KCNQ1: variants seen among roughly 807,000 people sequenced by gnomAD.
KCNQ1 encodes potassium voltage-gated channel subfamily Q member 1, also known as potassium voltage-gated channel subfamily KQT member 1.
In KCNQ1, 49 loss-of-function variants were observed where a neutral mutation model predicts 72.4. The observed-to-expected ratio is 0.68, with a 90% confidence interval of 0.54 to 0.86. The LOEUF is 0.86. KCNQ1 is among the 40% of genes least tolerant of loss of function. The probability of loss-of-function intolerance (pLI) is 0.00; values close to 1 mark genes in which losing one functional copy is unlikely to be tolerated. For synonymous variants in KCNQ1, 450 were observed against 412.6 expected, an observed-to-expected ratio of 1.09 and a Z score of -1.10; for missense variants, 790 against 945.1, an observed-to-expected ratio of 0.84 and a Z score of 2.15.
At chr11:2,539,721 G>C (rs1347490063) in intron 2 of KCNQ1, among the ~76,000 whole-genome samples, 7 of 152,232 alleles carry the variant, frequency 4.6e-5, no homozygotes, top group Admixed American at 4.6e-4. Flanking sequence ...TTGGTGGGGG[G>C]TGCGCCTGCT....
rs1732163983 is a variant in KCNQ1 at position 2,715,773 on chromosome 11, G to C, written c.1515-53071G>C. Among the ~76,000 whole-genome samples the C allele has an allele frequency of 6.6e-6, 1 of 152,222 alleles. No individual in the cohort carries two copies. Among genetic ancestry groups the C allele is most frequent in the African/African-American group, 2.4e-5 (1 of 41,460 alleles). ...CCACATTCCAGCTGGCCCTGCCTGT[G>C]AGGGTTGACCAGCTGGAGCAGCCCC... On this transcript the variant is annotated intron_variant, in intron 11 of 15. Coordinates refer to ENST00000155840, the MANE Select transcript of KCNQ1 (RefSeq NM_000218.3). This position sits in a 1 kb window ranked among gnomAD's most constrained non-coding sequence, Gnocchi z 4.9.
At chr11:2,810,845 G>A (rs1847470473) in intron 15 of KCNQ1, among the ~76,000 whole-genome samples, 1 of 152,232 alleles carries the variant, frequency 6.6e-6, no homozygotes, top group African/African-American at 2.4e-5. Flanking sequence ...CTGCATCTGA[G>A]AGCTTGGGCT....
chr11:2,710,646 GTTTA>G lies in KCNQ1; in HGVS notation c.1514+48566_1514+48569del, dbSNP rs1850987271. On this transcript the variant is annotated intron_variant, in intron 11 of 15. Transcript: ENST00000155840. The surrounding 1 kb of genome is among the most constrained non-coding windows in gnomAD (Gnocchi z 4.1). The stretch of plus-strand genomic sequence containing the variant: ...TAGGTCTTTCATCCGCTTTCAGTTA[GTTTA>G]ACATATGGTGTGAGGTAGGGGTCTA... Among the ~76,000 whole-genome samples, 1 of 152,152 alleles carries G rather than the reference GTTTA, an allele frequency of 6.6e-6. No homozygotes were observed. Among genetic ancestry groups the G allele is most frequent in the East Asian group, 1.9e-4 (1 of 5,198 alleles).
At position 2,764,137 on chromosome 11, in the gene KCNQ1, A is replaced by T. The variant is rs1226657990; in HGVS notation, c.1515-4707A>T. Among the ~76,000 whole-genome samples the T allele has an allele frequency of 6.6e-6, 1 of 151,882 alleles. No individual in the cohort carries two copies. The highest frequency in any genetic ancestry group is 1.5e-5 in the Non-Finnish European group (1 of 67,998). ...TCCTGTCTCAGGAGGAAAGCGTATC[A>T]CATTTCACTATTAAGTATGATGTCT... On this transcript the variant is annotated intron_variant, in intron 11 of 15. Transcript: ENST00000155840. This position sits in a 1 kb window ranked among gnomAD's most constrained non-coding sequence, Gnocchi z 4.8.
At chr11:2,733,250 C>T (rs1250619219) in intron 11 of KCNQ1, among the ~76,000 whole-genome samples, 1 of 146,966 alleles carries the variant, frequency 6.8e-6, no homozygotes, top group African/African-American at 2.5e-5. Context: ...CCTAGTGCTC[C>T]TTTGTGTGTC....
chr11:2,530,773 G>A (rs951397442), intron 2 of KCNQ1, among the ~76,000 whole-genome samples: 42 of 152,288 alleles, frequency 2.8e-4, no homozygotes, highest in African/African-American at 9.4e-4. Flanking sequence ...TGTAGTGTGC[G>A]CCTGTGAGCA....
chr11:2,834,144 G>A (rs1407136665), intron 15 of KCNQ1, among the ~76,000 whole-genome samples: 2 of 152,238 alleles, frequency 1.3e-5, no homozygotes, highest in Non-Finnish European at 2.9e-5. Context: ...GCATGGCATG[G>A]TGGTGGCATG....
At position 2,549,642 on chromosome 11, in the gene KCNQ1, G is replaced by T. The variant is rs1847950955; in HGVS notation, c.478-20986G>T. Among the ~76,000 whole-genome samples the T allele has an allele frequency of 6.6e-6, 1 of 151,158 alleles. No homozygotes were observed. Among genetic ancestry groups the T allele is most frequent in the African/African-American group, 2.4e-5 (1 of 40,962 alleles). On this transcript the variant is annotated intron_variant, in intron 2 of 15. Transcript: ENST00000155840. The surrounding 1 kb of genome is among the most constrained non-coding windows in gnomAD (Gnocchi z 6.2). Reference sequence around the variant, plus strand: ...GAGGCCCGGGGTAGGGGCGTGGGGGGGCCTCCTCCTCCCAAGCACCTGGGG... The same window carrying T: ...GAGGCCCGGGGTAGGGGCGTGGGGGTGCCTCCTCCTCCCAAGCACCTGGGG...
chr11:2,455,387 G>A (rs1391427999), intron 1 of KCNQ1, among the ~76,000 whole-genome samples: 6 of 152,266 alleles, frequency 3.9e-5, no homozygotes, highest in East Asian at 1.9e-4. Flanking sequence ...TTGAGCCACC[G>A]TGCCTGGCCA....
At chr11:2,555,178 G>A (rs1848050504) in intron 2 of KCNQ1, among the ~76,000 whole-genome samples, 1 of 152,234 alleles carries the variant, frequency 6.6e-6, no homozygotes, top group Non-Finnish European at 1.5e-5. Flanking sequence ...GTCAAAAGAA[G>A]GGTGCTCAGC....
intron 1 of KCNQ1, among the ~76,000 whole-genome samples, chr11:2,510,777 C>T (rs928794189): frequency 3.3e-5 from 5 of 152,214 alleles, no homozygotes; most frequent in Admixed American, 6.5e-5. Context: ...CCTCCAGGTC[C>T]TGGGAAGGCT....
intron 11 of KCNQ1, chr11:2,684,143 T>C (rs1162619668): frequency 2.5e-6 from 1 of 398,506 alleles, no homozygotes; most frequent in Non-Finnish European, 4.4e-6. Flanking sequence ...CCTTGAAGAA[T>C]GGGGTACACC....
At chr11:2,707,686 C>T (rs191677817) in intron 11 of KCNQ1, among the ~76,000 whole-genome samples, 1 of 152,378 alleles carries the variant, frequency 6.6e-6, no homozygotes, top group Admixed American at 6.5e-5. Flanking sequence ...GCTTCATCCA[C>T]ACTACCACCC....
intron 11 of KCNQ1, among the ~76,000 whole-genome samples, chr11:2,716,710 T>C (rs1473277300): frequency 6.6e-6 from 1 of 152,212 alleles, no homozygotes. Flanking sequence ...AAGGCAGCCG[T>C]GAAAGGCACG....
At position 2,600,072 on chromosome 11, in the gene KCNQ1, G is replaced by A. The variant is rs1848779676; in HGVS notation, c.1393+11218G>A. 6.6e-6 allele frequency among the ~76,000 whole-genome samples: 1 copy of A among 152,082 alleles called. No homozygotes were observed. Among genetic ancestry groups the A allele is most frequent in the African/African-American group, 2.4e-5 (1 of 41,408 alleles). ...ATTCCTGCCCACCAGTCCTGGCAGA[G>A]TGACTTATTGTCAGCCAAGTGGGGC... is the stretch of plus-strand genomic sequence containing the variant. On this transcript the variant is annotated intron_variant, in intron 10 of 15. Coordinates refer to ENST00000155840, the MANE Select transcript of KCNQ1 (RefSeq NM_000218.3). This position sits in a 1 kb window ranked among gnomAD's most constrained non-coding sequence, Gnocchi z 5.6.
rs1196106981 is a variant in KCNQ1, at chr11:2,608,193, G to T, written c.1393+19339G>T. On this transcript the variant is annotated intron_variant, in intron 10 of 15. Coordinates refer to ENST00000155840, the MANE Select transcript of KCNQ1 (RefSeq NM_000218.3). The surrounding 1 kb of genome is among the most constrained non-coding windows in gnomAD (Gnocchi z 4.6). ...TTTTGTTGTTGGAAGAGGTCATAAA[G>T]AATTGATATTCTTTAGATATTTGTT... The T allele has an allele frequency of 5.2e-6, 2 of 387,252 alleles. No individual in the cohort carries two copies. The highest frequency in any genetic ancestry group is 7.3e-5 in the East Asian group (2 of 27,512). The allele number at this position is 387,252 out of a possible 1,614,324, so 24.0% of individuals were successfully genotyped here.
At chr11:2,558,721 C>T (rs968579986) in intron 2 of KCNQ1, among the ~76,000 whole-genome samples, 2 of 152,084 alleles carry the variant, frequency 1.3e-5, no homozygotes, top group Non-Finnish European at 2.9e-5. Flanking sequence ...TAACTCTAGT[C>T]GGCCCCCGTA....
At chr11:2,534,071 G>A (rs959225409) in intron 2 of KCNQ1, among the ~76,000 whole-genome samples, 5 of 151,936 alleles carry the variant, frequency 3.3e-5, no homozygotes, top group East Asian at 1.9e-4. Flanking sequence ...TTTCTGCTGC[G>A]CCTTCAGCAC....
chr11:2,524,600 T>G (rs2133642731), intron 1 of KCNQ1, among the ~76,000 whole-genome samples: 2 of 152,286 alleles, frequency 1.3e-5, no homozygotes, highest in Middle Eastern at 6.8e-3. Context: ...AGACAGCAAC[T>G]TAGTGGATCC....
Sources: gnomAD v4.1 joint callset for allele counts (sites outside exome capture counted in the v4.1 genomes callset) on GRCh38, gnomAD v4.1.1 for gene constraint, Gnocchi (gnomAD v3.1) non-coding constraint, MANE v1.5 for transcripts, NCBI Gene and HGNC (gene_info 2026-07-23, HGNC 2026-07-21) for gene names.